The following IMMP2L variants were observed in gnomAD, a reference collection of about 807,000 sequenced individuals.
IMMP2L encodes the protein mitochondrial inner membrane protease subunit 2.
In IMMP2L, 18 loss-of-function variants were observed where a neutral mutation model predicts 19.3. The ratio of observed to expected loss-of-function variants is 0.93; its 90% CI spans 0.64 to 1.38. The LOEUF is 1.38. Ranked by LOEUF, IMMP2L falls within the 40% of genes most tolerant of loss-of-function variation. IMMP2L has a pLI of 0.00. For synonymous variants in IMMP2L, 76 were observed against 73.0 expected, an observed-to-expected ratio of 1.04 and a Z score of -0.21; for missense variants, 233 against 218.2, an observed-to-expected ratio of 1.07 and a Z score of -0.43.
intron 4 of IMMP2L, among the ~76,000 whole-genome samples, chr7:110,905,348 T>C (rs1331610608): frequency 6.6e-6 from 1 of 152,166 alleles, no homozygotes; most frequent in Non-Finnish European, 1.5e-5. Context: ...AAGTTTAACT[T>C]TTTACCATCC....
intron 3 of IMMP2L, among the ~76,000 whole-genome samples, chr7:111,285,696 A>G (rs1390422626): frequency 6.6e-6 from 1 of 152,188 alleles, no homozygotes; most frequent in Non-Finnish European, 1.5e-5. Flanking sequence ...CTTCCACAGC[A>G]TATGATAGCA....
chr7:111,058,212 C>T (rs1008633738), intron 3 of IMMP2L, among the ~76,000 whole-genome samples: 8 of 152,246 alleles, frequency 5.3e-5, no homozygotes, highest in Admixed American at 1.3e-4. Flanking sequence ...TTTTCTAACT[C>T]AGGCTGTCAT....
intron 5 of IMMP2L, among the ~76,000 whole-genome samples, chr7:110,861,293 G>C (rs867484823): frequency 6.7e-6 from 1 of 149,660 alleles, no homozygotes; most frequent in Non-Finnish European, 1.5e-5. Context: ...TTTTTTTTTT[G>C]GAGACAGGGT....
In IMMP2L at chr7:111,441,523, T is replaced by C. The variant is rs1278548761; in HGVS notation, c.239+45715A>G. 2.0e-5 allele frequency among the ~76,000 whole-genome samples: 3 copies of C among 151,692 alleles called. No individual in the cohort carries two copies. The East Asian group carries it at 5.8e-4, about 29-fold the overall frequency. ...GGGCATGTTATATGAGTGTGGGTCA[T>C]GGTGCCTCAAAACAGTTACAATGGT... On this transcript the variant is annotated intron_variant, in intron 3 of 5. Transcript: ENST00000405709.
At chr7:111,452,462 T>C (rs1240484434) in intron 3 of IMMP2L, among the ~76,000 whole-genome samples, 2 of 152,308 alleles carry the variant, frequency 1.3e-5, no homozygotes, top group East Asian at 1.9e-4. Context: ...AAGTAAGATT[T>C]ATTTCCAATA....
intron 3 of IMMP2L, among the ~76,000 whole-genome samples, chr7:111,391,059 T>C (rs1832306830): frequency 6.6e-6 from 1 of 152,154 alleles, no homozygotes. Context: ...TTATCTACTA[T>C]AATAGCAGTC....
intron 2 of IMMP2L, among the ~76,000 whole-genome samples, chr7:111,489,433 G>A (rs1842919068): frequency 1.3e-5 from 2 of 152,098 alleles, no homozygotes; most frequent in South Asian, 4.1e-4. Flanking sequence ...CATTTCTGTG[G>A]TGACAGGAAA....
chr7:110,983,417 A>G (rs573266208), intron 3 of IMMP2L, among the ~76,000 whole-genome samples: 4 of 152,182 alleles, frequency 2.6e-5, no homozygotes, highest in African/African-American at 9.6e-5. Flanking sequence ...TAAAACAGAA[A>G]TCTTCTCAAA....
At chr7:111,368,012 T>A (rs1829937756) in intron 3 of IMMP2L, among the ~76,000 whole-genome samples, 1 of 151,760 alleles carries the variant, frequency 6.6e-6, no homozygotes, top group Admixed American at 6.6e-5. Context: ...TATTATTAAG[T>A]AATTAAGATG....
chr7:110,762,879 A>G (rs1420724247), intron 5 of IMMP2L, among the ~76,000 whole-genome samples: 1 of 152,136 alleles, frequency 6.6e-6, no homozygotes, highest in Admixed American at 6.6e-5. Flanking sequence ...TCCACCCTGC[A>G]TTTGTTTTTG....
intron 5 of IMMP2L, among the ~76,000 whole-genome samples, chr7:110,664,281 G>A (rs192107418): frequency 6.6e-6 from 1 of 152,136 alleles, no homozygotes; most frequent in Non-Finnish European, 1.5e-5. Context: ...CCTACTAGAT[G>A]AGCAGCAGGA....
chr7:110,681,566 A>G (rs1792720027), intron 5 of IMMP2L, among the ~76,000 whole-genome samples: 1 of 152,110 alleles, frequency 6.6e-6, no homozygotes, highest in South Asian at 2.1e-4. Context: ...TGGCTACATC[A>G]ATGTGCATAA....
intron 3 of IMMP2L, among the ~76,000 whole-genome samples, chr7:111,399,363 CAG>C (rs1005018966): frequency 3.3e-5 from 5 of 151,898 alleles, no homozygotes; most frequent in African/African-American, 9.6e-5. Flanking sequence ...ACAAAGCAAA[CAG>C]ATTAATTTTT....
chr7:111,030,304 T>A (rs1784938046), intron 3 of IMMP2L, among the ~76,000 whole-genome samples: 1 of 152,176 alleles, frequency 6.6e-6, no homozygotes, highest in African/African-American at 2.4e-5. Context: ...TAATATGTGC[T>A]AAAAACTGAT....
intron 5 of IMMP2L, among the ~76,000 whole-genome samples, chr7:110,668,978 G>T (rs7803696): frequency 0.018 from 2,701 of 149,818 alleles, 44 homozygotes; most frequent in Middle Eastern, 0.028. Context: ...GTTTTGACTT[G>T]CATACTGGCT....
In IMMP2L at chr7:110,937,085, G is replaced by A. The variant is rs140907341; in HGVS notation, c.305+26415C>T. Among the ~76,000 whole-genome samples the A allele has an allele frequency of 7.1e-3, 1,078 of 152,224 alleles. 15 individuals carry two copies. Among genetic ancestry groups the A allele is most frequent in the African/African-American group, 0.025 (1,041 of 41,520 alleles). On this transcript the variant is annotated intron_variant, in intron 4 of 5. Coordinates refer to ENST00000405709, the MANE Select transcript of IMMP2L (RefSeq NM_032549.4). ...GAGGGCTAGCGGGGGTTAGCATTAG[G>A]AGAAATATCTAATGTAGATGACAGG...
chr7:111,303,662 A>G (rs1221789977), intron 3 of IMMP2L, among the ~76,000 whole-genome samples: 1 of 152,062 alleles, frequency 6.6e-6, no homozygotes, highest in Non-Finnish European at 1.5e-5. Flanking sequence ...AAACAAGGCA[A>G]TTTTTCAAAA....
intron 5 of IMMP2L, among the ~76,000 whole-genome samples, chr7:110,825,895 C>G (rs1463447773): frequency 2.0e-5 from 3 of 152,128 alleles, no homozygotes; most frequent in Non-Finnish European, 4.4e-5. Context: ...TCAGAGTGAA[C>G]AGGCAACCTA....
intron 3 of IMMP2L, among the ~76,000 whole-genome samples, chr7:111,136,665 T>C (rs1301227278): frequency 6.6e-6 from 1 of 152,188 alleles, no homozygotes; most frequent in East Asian, 1.9e-4. Context: ...TGGAGTAGTA[T>C]TAACCAAATT....
Sources: gnomAD v4.1 joint callset for allele counts (sites outside exome capture counted in the v4.1 genomes callset) on GRCh38, gnomAD v4.1.1 for gene constraint, MANE v1.5 for transcripts, NCBI Gene and HGNC (gene_info 2026-07-23, HGNC 2026-07-21) for gene names.